Variants in CRPPA observed in about 807,000 individuals in gnomAD.
CRPPA encodes CDP-L-ribitol pyrophosphorylase A.
CRPPA carries 43 observed loss-of-function variants against 52.0 expected under a neutral mutation model. The ratio of observed to expected loss-of-function variants is 0.83; its 90% confidence interval spans 0.65 to 1.07. The LOEUF (loss-of-function observed/expected upper bound fraction) is 1.07, where lower values mean the gene tolerates loss of function less well. Ranked by LOEUF, CRPPA falls within the 50% of genes least tolerant of loss-of-function variation. CRPPA has a pLI of 0.00. For missense variants in CRPPA, 629 were observed against 551.7 expected (o/e 1.14, Z -1.40); for synonymous variants, 250 against 203.5 (o/e 1.23, Z -1.94).
chr7:16,284,319 G>T (rs376028100), intron 5 of CRPPA, among the ~76,000 whole-genome samples: 31 of 152,136 alleles, frequency 2.0e-4, no homozygotes, highest in African/African-American at 7.5e-4. Context: ...TATATAAGGG[G>T]AAGGCAGGAG....
At chr7:16,114,450 G>A (rs986525146) in intron 9 of CRPPA, among the ~76,000 whole-genome samples, 1 of 151,904 alleles carries the variant, frequency 6.6e-6, no homozygotes, top group African/African-American at 2.4e-5. Flanking sequence ...TGTTTGTGTG[G>A]CAACTAAGGG....
At chr7:16,296,928 C>T (rs1361185994) in intron 5 of CRPPA, among the ~76,000 whole-genome samples, 1 of 152,172 alleles carries the variant, frequency 6.6e-6, no homozygotes, top group African/African-American at 2.4e-5. Flanking sequence ...GATTATTCTT[C>T]ATCACACCAG....
chr7:16,115,641 G>T (rs11980169), intron 9 of CRPPA, among the ~76,000 whole-genome samples: 105 of 152,246 alleles, frequency 6.9e-4, no homozygotes, highest in African/African-American at 2.4e-3. Context: ...TGGAGAAATT[G>T]CTCATTTCAA....
At chr7:16,260,253 T>TA (rs1323588475) in intron 6 of CRPPA, among the ~76,000 whole-genome samples, 1 of 152,050 alleles carries the variant, frequency 6.6e-6, no homozygotes, top group African/African-American at 2.4e-5. Flanking sequence ...ATTGCAGAGA[T>TA]AGAGATATTT....
intron 9 of CRPPA, among the ~76,000 whole-genome samples, chr7:16,094,349 G>A (rs1418301567): frequency 1.3e-5 from 2 of 152,182 alleles, no homozygotes; most frequent in Non-Finnish European, 1.5e-5. Context: ...ACTCTAGTAT[G>A]TGAAAAGATT....
intron 3 of CRPPA, among the ~76,000 whole-genome samples, chr7:16,347,410 T>A (rs77760224): frequency 0.025 from 3,867 of 152,284 alleles, 99 homozygotes; most frequent in East Asian, 0.15. Flanking sequence ...AGGACTTGTG[T>A]TATCAGTTGT....
intron 8 of CRPPA, among the ~76,000 whole-genome samples, chr7:16,230,086 G>T (rs1113569): frequency 0.2 from 30,980 of 151,862 alleles, 3,883 homozygotes; most frequent in South Asian, 0.43. Flanking sequence ...TTTGATTTTT[G>T]ATAGCATTAT....
chr7:16,148,716 A>G (rs1433085314), intron 9 of CRPPA, among the ~76,000 whole-genome samples: 1 of 152,128 alleles, frequency 6.6e-6, no homozygotes, highest in East Asian at 1.9e-4. Flanking sequence ...GTTCTATAGT[A>G]GGGTAAATAG....
At chr7:16,113,780 T>C (rs1202217888) in intron 9 of CRPPA, among the ~76,000 whole-genome samples, 1 of 151,640 alleles carries the variant, frequency 6.6e-6, no homozygotes, top group Admixed American at 6.6e-5. Flanking sequence ...CTCCTTCAAA[T>C]AAAATATGAA....
At chr7:16,275,416 G>A (rs1447537873) in intron 6 of CRPPA, among the ~76,000 whole-genome samples, 1 of 152,110 alleles carries the variant, frequency 6.6e-6, no homozygotes, top group Admixed American at 6.5e-5. Flanking sequence ...AAGTCTAGAT[G>A]GACCAAGGGA....
intron 1 of CRPPA, among the ~76,000 whole-genome samples, chr7:16,410,209 G>T (rs566139125): frequency 6.6e-6 from 1 of 152,156 alleles, no homozygotes; most frequent in African/African-American, 2.4e-5. Context: ...CACCTTGGGA[G>T]GATGTTTATC....
intron 9 of CRPPA, among the ~76,000 whole-genome samples, chr7:16,203,094 G>A (rs1781894333): frequency 1.3e-5 from 2 of 152,110 alleles, no homozygotes; most frequent in Admixed American, 6.5e-5. Flanking sequence ...GCGCTTTAAG[G>A]TCCCCTGAAA....
At chr7:16,300,319 A>G (rs1454961833) in intron 5 of CRPPA, among the ~76,000 whole-genome samples, 1 of 152,188 alleles carries the variant, frequency 6.6e-6, no homozygotes, top group Non-Finnish European at 1.5e-5. Context: ...TGCACTCAGA[A>G]TGCAGGTTCA....
chr7:16,413,501 C>T (rs931663940), intron 1 of CRPPA, among the ~76,000 whole-genome samples: 2 of 152,226 alleles, frequency 1.3e-5, no homozygotes, highest in African/African-American at 2.4e-5. Context: ...ATCTCTAATA[C>T]AGTTAATCAC....
chr7:16,408,121 A>T (rs1031392531), intron 1 of CRPPA, among the ~76,000 whole-genome samples: 7 of 144,552 alleles, frequency 4.8e-5, no homozygotes, highest in South Asian at 2.1e-4. Context: ...AAAAAAAAAA[A>T]TAAAAAAATA....
At chr7:16,262,528 G>A (rs1172048707) in intron 6 of CRPPA, among the ~76,000 whole-genome samples, 1 of 152,118 alleles carries the variant, frequency 6.6e-6, no homozygotes, top group Admixed American at 6.5e-5. Context: ...AGAAGGAAGA[G>A]GTCTCAGGTT....
chr7:16,389,928 A>AAAAAAAAAAAAATATATAT, intron 2 of CRPPA, among the ~76,000 whole-genome samples: 2 of 29,770 alleles, frequency 6.7e-5, no homozygotes, highest in African/African-American at 3.5e-4. Context: ...AAAAAAAAAA[A>AAAAAAAAAAAAATATATAT]ATATATATAT....
chr7:16,113,329 G>A (rs1382462556), intron 9 of CRPPA, among the ~76,000 whole-genome samples: 1 of 151,874 alleles, frequency 6.6e-6, no homozygotes, highest in African/African-American at 2.4e-5. Context: ...AAAAGATTTG[G>A]TAGATACAAT....
chr7:16,183,337 G>C (rs1781447251), intron 9 of CRPPA, among the ~76,000 whole-genome samples: 1 of 152,148 alleles, frequency 6.6e-6, no homozygotes, highest in Non-Finnish European at 1.5e-5. Context: ...GCTTTCTGAA[G>C]GGCTGTCTCT....
Sources: allele counts gnomAD v4.1 joint callset (sites outside exome capture counted in the v4.1 genomes callset), GRCh38; gene constraint gnomAD v4.1.1; transcripts MANE v1.5; gene names NCBI Gene and HGNC (gene_info 2026-07-23, HGNC 2026-07-21).